Variants in NAALADL2 observed in about 807,000 individuals in gnomAD.
NAALADL2 encodes inactive N-acetylated-alpha-linked acidic dipeptidase-like protein 2.
In NAALADL2, 76 loss-of-function variants were observed where a neutral mutation model predicts 87.2. The observed-to-expected ratio is 0.87, with a 90% CI of 0.72 to 1.05. The LOEUF is 1.05. Ranked by LOEUF, NAALADL2 falls within the 50% of genes least tolerant of loss-of-function variation. NAALADL2 has a pLI of 0.00. For synonymous variants in NAALADL2, 354 were observed against 331.0 expected (o/e 1.07, Z -0.75); for missense variants, 1,089 against 945.8 (o/e 1.15, Z -1.99).
chr3:174,798,237 T>C (rs1718376266), intron 3 of NAALADL2, among the ~76,000 whole-genome samples: 1 of 152,314 alleles, frequency 6.6e-6, no homozygotes, highest in African/African-American at 2.4e-5. Flanking sequence ...TACTACATAG[T>C]TGTGAATATT....
chr3:174,854,850 T>C (rs868699016), upstream of NAALADL2, among the ~76,000 whole-genome samples: 8 of 146,794 alleles, frequency 5.4e-5, no homozygotes, highest in Middle Eastern at 3.4e-3. Flanking sequence ...TTTTTTTTTT[T>C]TTTTTGAGAT....
chr3:175,267,281 C>T (rs915076809), intron 4 of NAALADL2, among the ~76,000 whole-genome samples: 1 of 152,022 alleles, frequency 6.6e-6, no homozygotes, highest in African/African-American at 2.4e-5. Flanking sequence ...TTTTGAGTGG[C>T]TTTATAAATT....
rs1424016505 is a variant in NAALADL2 at position 175,716,380 on chromosome 3, TACAC to T, written c.1897-20919_1897-20916del. Among the ~76,000 whole-genome samples the T allele has an allele frequency of 4.0e-5, 6 of 148,620 alleles. No individual in the cohort carries two copies. In the East Asian group the frequency reaches 1.2e-3, roughly 29 times the overall value. On this transcript the variant is annotated intron_variant, in intron 11 of 13. Coordinates refer to ENST00000454872, the MANE Select transcript of NAALADL2 (RefSeq NM_207015.3). ...ATGTGTGTGTGTATATGTATACATATACACACACACTAACAAAAAGTCTATGAAA... is the reference window on the plus strand; with the variant it reads ...ATGTGTGTGTGTATATGTATACATATACACACTAACAAAAAGTCTATGAAA...
At chr3:175,597,993 A>C (rs1173250461) in intron 10 of NAALADL2, among the ~76,000 whole-genome samples, 2 of 151,948 alleles carry the variant, frequency 1.3e-5, no homozygotes, top group African/African-American at 2.4e-5. Flanking sequence ...ATAGACATAC[A>C]TTTCTGGGTA....
chr3:174,858,624 A>G (rs1456702565), upstream of NAALADL2, among the ~76,000 whole-genome samples: 1 of 152,056 alleles, frequency 6.6e-6, no homozygotes, highest in South Asian at 2.1e-4. Flanking sequence ...CTGGGACATC[A>G]ATGCTGCAGT....
chr3:174,630,692 C>T (rs181533548), intron 2 of NAALADL2, among the ~76,000 whole-genome samples: 1 of 152,170 alleles, frequency 6.6e-6, no homozygotes, highest in East Asian at 1.9e-4. Context: ...TCAACAGCTT[C>T]GTCTATGTTT....
At chr3:174,980,876 C>T (rs1344660467) in intron 1 of NAALADL2, among the ~76,000 whole-genome samples, 1 of 152,036 alleles carries the variant, frequency 6.6e-6, no homozygotes, top group Non-Finnish European at 1.5e-5. Flanking sequence ...CTAATTACAT[C>T]TATTGTATCT....
chr3:174,508,936 T>G (rs1053096205), intron 1 of NAALADL2, among the ~76,000 whole-genome samples: 2 of 152,138 alleles, frequency 1.3e-5, no homozygotes, highest in Non-Finnish European at 2.9e-5. Context: ...TATAGAAATG[T>G]CACTTTTGAT....
chr3:175,658,439 G>A (rs545479860), intron 11 of NAALADL2, among the ~76,000 whole-genome samples: 28 of 152,180 alleles, frequency 1.8e-4, no homozygotes, highest in East Asian at 1.2e-3. Flanking sequence ...TTGAAACTCC[G>A]ATACTACCTT....
chr3:175,161,628 G>A (rs1283213561), intron 2 of NAALADL2, among the ~76,000 whole-genome samples: 4 of 57,204 alleles, frequency 7.0e-5, no homozygotes, highest in Non-Finnish European at 7.6e-5. Flanking sequence ...CAACCCCCCC[G>A]CCCGTCCCAC....
chr3:174,534,502 T>G (rs1247195496), intron 1 of NAALADL2, among the ~76,000 whole-genome samples: 3 of 152,232 alleles, frequency 2.0e-5, no homozygotes, highest in African/African-American at 7.2e-5. Flanking sequence ...GATGTTGGCT[T>G]TGGCCTTAGA....
intron 1 of NAALADL2, among the ~76,000 whole-genome samples, chr3:174,973,742 G>T (rs1032337029): frequency 1.3e-5 from 2 of 152,158 alleles, no homozygotes; most frequent in African/African-American, 4.8e-5. Flanking sequence ...TGTACAGCAT[G>T]TTATGGCACT....
intron 1 of NAALADL2, among the ~76,000 whole-genome samples, chr3:174,875,780 T>TTTA (rs778122911): frequency 3.1e-3 from 476 of 152,262 alleles, no homozygotes; most frequent in Middle Eastern, 0.014. Context: ...AAAGCAGTCT[T>TTTA]AAAGTAATAT....
At chr3:175,605,517 T>G (rs1158709062) in intron 10 of NAALADL2, among the ~76,000 whole-genome samples, 1 of 152,088 alleles carries the variant, frequency 6.6e-6, no homozygotes, top group Non-Finnish European at 1.5e-5. Context: ...AATTTAAATT[T>G]GGAGGAAGGA....
Position 174,539,977 on chromosome 3 carries a change from G to GAA in NAALADL2, c.-183-10563_-183-10562dup, listed in dbSNP as rs57394560. ...GCCAAGAGAGAATTAGGAAGTTCTG[G>GAA]AAAAAAAAAAAAAAAAAAAAAAAAA... On this transcript the variant is annotated intron_variant, in intron 1 of 3. Transcript: ENST00000434257. Among the ~76,000 whole-genome samples the GAA allele has an allele frequency of 1.1e-3, 56 of 51,206 alleles. 4 individuals carry two copies. Among genetic ancestry groups the GAA allele is most frequent in the Non-Finnish European group, 1.9e-3 (50 of 26,360 alleles). The allele number at this position is 51,206 out of a possible 152,430, so 33.6% of individuals were successfully genotyped here. A position where few individuals can be genotyped will look rare whatever the true frequency, so the allele number is the denominator to read the frequency against.
rs1032747741 is a variant in NAALADL2 at position 174,529,229 on chromosome 3, G to A, written c.-183-21340G>A. Among the ~76,000 whole-genome samples the A allele has an allele frequency of 3.9e-5, 6 of 152,186 alleles. No individual in the cohort carries two copies. The South Asian group carries it at 6.2e-4, about 16-fold the overall frequency. Reference sequence around the variant, plus strand: ...GGGGCTACAGGCCCCATGCAAGTCCGAAATCCACTGGGGCAACCAAATTTT... The same window carrying A: ...GGGGCTACAGGCCCCATGCAAGTCCAAAATCCACTGGGGCAACCAAATTTT... On this transcript the variant is annotated intron_variant, in intron 1 of 3. Coordinates refer to the NAALADL2 transcript ENST00000434257.
At chr3:174,891,674 T>G (rs1730886172) in intron 1 of NAALADL2, among the ~76,000 whole-genome samples, 1 of 152,128 alleles carries the variant, frequency 6.6e-6, no homozygotes, top group Admixed American at 6.5e-5. Context: ...TCCTTGCCAC[T>G]TAGGTCCAAA....
intron 4 of NAALADL2, among the ~76,000 whole-genome samples, chr3:175,274,731 C>T (rs1753334472): frequency 6.6e-6 from 1 of 151,982 alleles, no homozygotes; most frequent in Non-Finnish European, 1.5e-5. Context: ...TAATATTTTC[C>T]ACAAAGTGTT....
chr3:174,728,463 A>G (rs1330094718), intron 2 of NAALADL2, among the ~76,000 whole-genome samples: 1 of 152,088 alleles, frequency 6.6e-6, no homozygotes, highest in Admixed American at 6.6e-5. Context: ...AGTAATAGGT[A>G]GCCTTTTTGT....
Sources: allele counts gnomAD v4.1 joint callset (sites outside exome capture counted in the v4.1 genomes callset), GRCh38; gene constraint gnomAD v4.1.1; transcripts MANE v1.5; gene names NCBI Gene and HGNC (gene_info 2026-07-23, HGNC 2026-07-21).